The following MIAT variants were observed in gnomAD, a reference collection of about 807,000 sequenced individuals.
MIAT encodes the protein myocardial infarction associated transcript, also known as MI related novel mRNA.
At chr22:26,662,504 T>C (rs1486625475) in intron 2 of MIAT, among the ~76,000 whole-genome samples, 2 of 152,194 alleles carry the variant, frequency 1.3e-5, no homozygotes, top group African/African-American at 4.8e-5. Flanking sequence ...GGGGTTCCCA[T>C]GTTTGAAGGA....
chr22:26,646,830 G>C, exon 1 of MIAT: 1 of 398,610 alleles, frequency 2.5e-6, no homozygotes, highest in Non-Finnish European at 4.4e-6. Flanking sequence ...GGTGGTGTGG[G>C]AGTCGGCCTC....
At chr22:26,674,558 CTG>C (rs1288472684), downstream of MIAT, 1 of 398,700 alleles carries the variant, frequency 2.5e-6, no homozygotes, top group Non-Finnish European at 4.4e-6. Context: ...TCTCTGGCAA[CTG>C]TGGACTCAGA....
intron 4 of MIAT, chr22:26,667,178 C>A (rs1439173301): frequency 5.0e-6 from 2 of 398,674 alleles, no homozygotes; most frequent in Non-Finnish European, 8.8e-6. Flanking sequence ...CAAGTCCCTT[C>A]ATTCAGCACC....
chr22:26,673,255 A>G, downstream of MIAT: 1 of 398,794 alleles, frequency 2.5e-6, no homozygotes, highest in Non-Finnish European at 4.4e-6. Flanking sequence ...AGCCTCCCCC[A>G]GAGCCCGCCA....
exon 4 of MIAT, chr22:26,666,685 T>C (rs918130849): frequency 2.3e-5 from 9 of 398,404 alleles, no homozygotes; most frequent in Non-Finnish European, 4.0e-5. Context: ...CCCCTCACCT[T>C]TTAAGGATGT....
rs939752222 is a variant in MIAT, at chr22:26,668,813, C to G, written n.2918C>G. ...GTTACAAAGAGGAGACAGTCAGGAT[C>G]TGGGAGGAGCTGGAGCCTTCCCCCT... On this transcript the variant is annotated non_coding_transcript_exon_variant, in exon 6 of 6. Transcript: ENST00000643270. 17 of 398,786 alleles carry G rather than the reference C, an allele frequency of 4.3e-5. No homozygotes were observed. In the Admixed American group the frequency reaches 7.5e-4, roughly 18 times the overall value. The allele number at this position is 398,786 out of a possible 1,614,324, so 24.7% of individuals were successfully genotyped here. A position where few individuals can be genotyped will look rare whatever the true frequency, so the allele number is the denominator to read the frequency against.
At chr22:26,655,591 T>A (rs1467143509) in intron 2 of MIAT, among the ~76,000 whole-genome samples, 1 of 152,218 alleles carries the variant, frequency 6.6e-6, no homozygotes, top group Non-Finnish European at 1.5e-5. Flanking sequence ...CTCTACTTTA[T>A]GGACAAGTAA....
At chr22:26,669,049 A>C in exon 6 of MIAT, 1 of 398,608 alleles carries the variant, frequency 2.5e-6, no homozygotes, top group Non-Finnish European at 4.4e-6. Flanking sequence ...ACTCTTCTCC[A>C]ATCAGATCGC....
exon 6 of MIAT, chr22:26,669,010 A>G (rs2146017171): frequency 2.5e-6 from 1 of 398,542 alleles, no homozygotes; most frequent in Non-Finnish European, 4.4e-6. Context: ...CCAAAGGCTT[A>G]AGGGGTCACC....
chr22:26,670,246 CA>C, downstream of MIAT: 1 of 398,504 alleles, frequency 2.5e-6, no homozygotes, highest in Non-Finnish European at 4.4e-6. Context: ...ACTCTCTCAT[CA>C]GCACTGAGCA....
intron 2 of MIAT, among the ~76,000 whole-genome samples, chr22:26,662,491 G>C (rs1930710731): frequency 1.3e-5 from 2 of 152,242 alleles, no homozygotes; most frequent in South Asian, 4.1e-4. Flanking sequence ...TCTCTCCACT[G>C]CAGGGGTTCC....
At chr22:26,648,246 G>C (rs952402255) in intron 2 of MIAT, among the ~76,000 whole-genome samples, 1 of 152,148 alleles carries the variant, frequency 6.6e-6, no homozygotes, top group Non-Finnish European at 1.5e-5. Context: ...GCGTCTGGAG[G>C]GGGTCTGTTT....
downstream of MIAT, chr22:26,672,727 C>T (rs577573860): frequency 5.0e-6 from 2 of 399,030 alleles, no homozygotes; most frequent in Admixed American, 4.4e-5. Flanking sequence ...AGCAGAGGGG[C>T]GTGTCCCACA....
chr22:26,647,478 C>T (rs1027624155), intron 2 of MIAT: 4 of 388,036 alleles, frequency 1.0e-5, no homozygotes, highest in Admixed American at 4.5e-5. Flanking sequence ...TGAAATCAGC[C>T]CCAGAAGGAG....
At chr22:26,659,840 C>CTTTCTT (rs1249099894) in intron 2 of MIAT, among the ~76,000 whole-genome samples, 2 of 94,966 alleles carry the variant, frequency 2.1e-5, no homozygotes, top group Non-Finnish European at 4.0e-5. Flanking sequence ...TTCTTTCTTT[C>CTTTCTT]TTTTTTTTTT....
intron 3 of MIAT, among the ~76,000 whole-genome samples, chr22:26,665,247 AAAAGAAAGAAAG>A (rs10529015): frequency 0.48 from 69,395 of 144,094 alleles, 16,913 homozygotes; most frequent in South Asian, 0.6. Context: ...TCTCCAGAAA[AAAAGAAAGAAAG>A]AAAGAAAGAA....
downstream of MIAT, chr22:26,672,846 A>G (rs1931103445): frequency 3.3e-5 from 13 of 398,614 alleles, no homozygotes; most frequent in East Asian, 4.6e-4. Flanking sequence ...AGTCGGCCAG[A>G]GAAACATTTC....
intron 5 of MIAT, among the ~76,000 whole-genome samples, chr22:26,667,499 T>C (rs969786209): frequency 4.6e-5 from 7 of 152,062 alleles, no homozygotes; most frequent in African/African-American, 1.2e-4. Flanking sequence ...GTAAAATGAA[T>C]TGAAGCCATC....
chr22:26,657,475 G>T, intron 2 of MIAT: 1 of 398,672 alleles, frequency 2.5e-6, no homozygotes, highest in Non-Finnish European at 4.4e-6. Flanking sequence ...TTTCATGGGC[G>T]CTGCAGCAGC....
Sources: allele counts gnomAD v4.1 joint callset (sites outside exome capture counted in the v4.1 genomes callset), GRCh38; gene constraint gnomAD v4.1.1; transcripts MANE v1.5; gene names NCBI Gene and HGNC (gene_info 2026-07-23, HGNC 2026-07-21).